The following IQCH variants were observed in gnomAD, a reference collection of about 807,000 sequenced individuals.
The protein encoded by IQCH is IQ motif containing H, also known as IQ domain-containing protein H.
IQCH carries 98 observed loss-of-function variants against 117.0 expected under a neutral mutation model. That is an observed-to-expected ratio of 0.84 (90% confidence interval 0.71 to 0.99). The LOEUF is 0.99. Ranked by LOEUF, IQCH falls within the 50% of genes least tolerant of loss-of-function variation. The pLI, the probability that IQCH is intolerant of heterozygous loss-of-function variation, is 0.00. For missense variants in IQCH, 1,102 were observed against 1,243.8 expected, an observed-to-expected ratio of 0.89 and a Z score of 1.72; for synonymous variants, 412 against 448.2, an observed-to-expected ratio of 0.92 and a Z score of 1.02.
chr15:67,416,994 G>A lies in IQCH; in HGVS notation c.2161G>A (p.Val721Ile), dbSNP rs1361986209. ...CATTTTAGCACAGCACGCACAGCCA[G>A]TCAATGAGAAACGGTTCCCGACGTG... is the stretch of plus-strand genomic sequence containing the variant. The part of the protein sequence containing the change: ...AGILAQHAQP[V>I]NEKRFPTWRK... Residue 721 changes from valine to isoleucine, a missense_variant, in exon 15 of 21, where the codon GTC becomes ATC. Around this residue, in one of 2 missense-constraint regions of IQCH, gnomAD observed 650 missense variants for 794.3 expected, o/e 0.82. Coordinates refer to ENST00000335894, the MANE Select transcript of IQCH (RefSeq NM_001031715.3). The surrounding 1 kb of genome is among the most constrained non-coding windows in gnomAD (Gnocchi z 5.1). 6.2e-7 allele frequency: 1 copy of A among 1,611,914 alleles called. No homozygotes were observed. Among genetic ancestry groups the A allele is most frequent in the African/African-American group, 1.3e-5 (1 of 74,822 alleles).
chr15:67,338,420 A>G (rs1968998069), intron 5 of IQCH, among the ~76,000 whole-genome samples: 2 of 152,170 alleles, frequency 1.3e-5, no homozygotes, highest in South Asian at 4.1e-4. Context: ...ATCGGCATAT[A>G]TTTATTGAGT....
intron 3 of IQCH, among the ~76,000 whole-genome samples, chr15:67,276,797 G>A (rs1286176918): frequency 2.0e-5 from 3 of 151,894 alleles, no homozygotes; most frequent in African/African-American, 7.3e-5. Context: ...ATAGGTGTAG[G>A]GTTTTGTTTT....
At chr15:67,429,068 A>G (rs1467602381) in intron 16 of IQCH, among the ~76,000 whole-genome samples, 1 of 152,194 alleles carries the variant, frequency 6.6e-6, no homozygotes, top group Non-Finnish European at 1.5e-5. Context: ...CTTAATTTTT[A>G]GCCCAGTAAG....
At chr15:67,255,063 C>A in intron 1 of IQCH, 116 bp downstream of exon 1, 1 of 1,032,058 alleles carries the variant, frequency 9.7e-7, no homozygotes, top group Non-Finnish European at 1.5e-6. Flanking sequence ...TAGACTCCCT[C>A]CAACTCGCGA....
intron 16 of IQCH, among the ~76,000 whole-genome samples, chr15:67,435,221 T>G (rs2082110201): frequency 6.6e-6 from 1 of 152,002 alleles, no homozygotes; most frequent in South Asian, 2.1e-4. Flanking sequence ...TGGGTTTGAT[T>G]TGCATTTCCC....
At chr15:67,266,203 G>A (rs1196555744) in intron 3 of IQCH, among the ~76,000 whole-genome samples, 2 of 150,942 alleles carry the variant, frequency 1.3e-5, no homozygotes, top group African/African-American at 4.9e-5. Context: ...TAAATTTTTA[G>A]TAAGATAAAG....
At chr15:67,268,778 A>G (rs1965779007) in intron 3 of IQCH, among the ~76,000 whole-genome samples, 1 of 152,100 alleles carries the variant, frequency 6.6e-6, no homozygotes, top group Non-Finnish European at 1.5e-5. Flanking sequence ...CTAGTCACAG[A>G]GAGAGAGGAG....
chr15:67,434,730 G>T (rs113247981), intron 16 of IQCH, among the ~76,000 whole-genome samples: 2,914 of 150,728 alleles, frequency 0.019, 108 homozygotes, highest in African/African-American at 0.067. Context: ...GTGTATAAGG[G>T]TTCCCTTTCT....
intron 14 of IQCH, among the ~76,000 whole-genome samples, chr15:67,409,212 T>C (rs1465827017): frequency 6.6e-6 from 1 of 152,154 alleles, no homozygotes; most frequent in African/African-American, 2.4e-5. Context: ...GCTTTGATGA[T>C]GGCAATTTTG....
intron 18 of IQCH, among the ~76,000 whole-genome samples, chr15:67,486,971 A>G (rs1217171913): frequency 6.6e-6 from 1 of 152,214 alleles, no homozygotes; most frequent in Non-Finnish European, 1.5e-5. Context: ...GGGATGCAAG[A>G]GATGTACTAG....
At position 67,422,160 on chromosome 15, in the gene IQCH, G is replaced by A. The variant is rs964562140; in HGVS notation, c.2505+583G>A. ...CACAGTTCACAGCTCTTTTGATTAG[G>A]CCCTCAATTCTGTCCATTAGTGTTA... On this transcript the variant is annotated intron_variant, in intron 16 of 20. Coordinates refer to ENST00000335894, the MANE Select transcript of IQCH (RefSeq NM_001031715.3). The surrounding 1 kb of genome is among the most constrained non-coding windows in gnomAD (Gnocchi z 4.7). Among the ~76,000 whole-genome samples the A allele has an allele frequency of 6.6e-6, 1 of 151,776 alleles. No individual in the cohort carries two copies. The highest frequency in any genetic ancestry group is 1.5e-5 in the Non-Finnish European group (1 of 67,976).
Position 67,475,938 on chromosome 15 carries a change from T to C in IQCH, c.2799+120T>C, listed in dbSNP as rs936876939. The C allele has an allele frequency of 7.1e-6, 6 of 850,988 alleles. No homozygotes were observed. The highest frequency in any genetic ancestry group is 2.5e-4 in the Middle Eastern group (1 of 4,060). The allele number at this position is 850,988 out of a possible 1,614,324, so 52.7% of individuals were successfully genotyped here. Reference sequence around the variant, plus strand: ...TTTAAATACCGGTTTGACGTGTCTGTAGAGGAAGGCTGATTGCTGCTTGGG... The same window carrying C: ...TTTAAATACCGGTTTGACGTGTCTGCAGAGGAAGGCTGATTGCTGCTTGGG... On this transcript the variant is annotated intron_variant, in intron 18 of 20. Transcript: ENST00000335894. This position sits in a 1 kb window ranked among gnomAD's most constrained non-coding sequence, Gnocchi z 5.7.
Position 67,406,233 on chromosome 15 carries a change from C to T in IQCH, c.2097+5928C>T, listed in dbSNP as rs1172878713. Reference sequence around the variant, plus strand: ...TAAAAATATGGTAAGCATTTAAAACCCTTGTTTTTAGCCCAGTGCAGTCGA... The same window carrying T: ...TAAAAATATGGTAAGCATTTAAAACTCTTGTTTTTAGCCCAGTGCAGTCGA... On this transcript the variant is annotated intron_variant, in intron 14 of 20. Coordinates refer to ENST00000335894, the MANE Select transcript of IQCH (RefSeq NM_001031715.3). This position sits in a 1 kb window ranked among gnomAD's most constrained non-coding sequence, Gnocchi z 4.5. 6.6e-6 allele frequency: 1 copy of T among 152,084 alleles called. No homozygotes were observed. The highest frequency in any genetic ancestry group is 2.4e-5 in the African/African-American group (1 of 41,396). The allele number at this position is 152,084 out of a possible 1,614,324, so 9.4% of individuals were successfully genotyped here.
At chr15:67,261,217 T>C (rs1243595271) in intron 1 of IQCH, 55 bp from the exon 2 acceptor site, 5 of 1,269,378 alleles carry the variant, frequency 3.9e-6, no homozygotes, top group Non-Finnish European at 5.4e-6. Context: ...AAATAACTGC[T>C]ATAGGTGGAC....
At chr15:67,311,130 AG>A (rs1967573353) in intron 4 of IQCH, among the ~76,000 whole-genome samples, 1 of 152,094 alleles carries the variant, frequency 6.6e-6, no homozygotes, top group African/African-American at 2.4e-5. Context: ...GTGGTAAGCA[AG>A]GGGAGTCAGG....
At chr15:67,357,858 T>G (rs1969959492) in intron 7 of IQCH, among the ~76,000 whole-genome samples, 1 of 152,044 alleles carries the variant, frequency 6.6e-6, no homozygotes. Context: ...ATTATCATTA[T>G]TATTATTATT....
rs1189666029 is a variant in IQCH, at chr15:67,443,472, A to C, written c.2506-21655A>C. Among the ~76,000 whole-genome samples, 4 of 151,990 alleles carry C rather than the reference A, an allele frequency of 2.6e-5. No homozygotes were observed. The highest frequency in any genetic ancestry group is 9.7e-5 in the African/African-American group (4 of 41,350). On this transcript the variant is annotated intron_variant, in intron 16 of 20. Transcript: ENST00000335894. This position sits in a 1 kb window ranked among gnomAD's most constrained non-coding sequence, Gnocchi z 5.0. ...GGACAAAAGACCACAAATATGGTGG[A>C]GTGTATACTGCTTGGGTGATGGGTG...
At chr15:67,345,776 G>A (rs191545622) in intron 6 of IQCH, among the ~76,000 whole-genome samples, 43 of 152,264 alleles carry the variant, frequency 2.8e-4, no homozygotes, top group Non-Finnish European at 4.6e-4. Flanking sequence ...ACAGTAAGAA[G>A]ACAAGAGTGT....
At chr15:67,304,527 T>C in intron 4 of IQCH, 1 of 716,700 alleles carries the variant, frequency 1.4e-6, no homozygotes, top group Non-Finnish European at 2.2e-6. Flanking sequence ...TAGTGTAAGA[T>C]GTAATGTAGA....
Sources: gnomAD v4.1 joint callset for allele counts (sites outside exome capture counted in the v4.1 genomes callset) on GRCh38, gnomAD v4.1.1 for gene constraint, gnomAD v4.1.1 regional missense constraint, Gnocchi (gnomAD v3.1) non-coding constraint, MANE v1.5 for transcripts, NCBI Gene and HGNC (gene_info 2026-07-23, HGNC 2026-07-21) for gene names.